The following SMC5 variants were observed in gnomAD, a reference collection of about 807,000 sequenced individuals.
SMC5 encodes the protein structural maintenance of chromosomes 5, also known as structural maintenance of chromosomes protein 5.
In SMC5, 88 loss-of-function variants were observed where a neutral mutation model predicts 148.3. The observed-to-expected ratio is 0.59, with a 90% CI of 0.50 to 0.71. SMC5 has a LOEUF of 0.71. SMC5 is among the 30% of genes least tolerant of loss of function. The pLI, the probability that SMC5 is intolerant of heterozygous loss-of-function variation, is 0.00. For missense variants in SMC5, 1,142 were observed against 1,298.9 expected (o/e 0.88, Z 1.86); for synonymous variants, 421 against 432.8 (o/e 0.97, Z 0.34).
intron 17 of SMC5, among the ~76,000 whole-genome samples, chr9:70,340,692 T>G (rs2036497918): frequency 6.6e-6 from 1 of 152,098 alleles, no homozygotes; most frequent in Admixed American, 6.5e-5. Context: ...TGATTCTTAT[T>G]TTAATGAACT....
At chr9:70,334,131 T>G (rs1178532796) in intron 17 of SMC5, among the ~76,000 whole-genome samples, 4 of 147,742 alleles carry the variant, frequency 2.7e-5, no homozygotes, top group African/African-American at 9.8e-5. Context: ...TTGTTGTTGT[T>G]TTTTTTTTTT....
At chr9:70,284,932 A>T (rs1157226007) in intron 7 of SMC5, among the ~76,000 whole-genome samples, 1 of 151,942 alleles carries the variant, frequency 6.6e-6, no homozygotes, top group Admixed American at 6.6e-5. Flanking sequence ...AGTGTTATGG[A>T]CAGGGCATAG....
intron 3 of SMC5, among the ~76,000 whole-genome samples, chr9:70,275,450 C>T (rs2034563896): frequency 6.6e-6 from 1 of 152,160 alleles, no homozygotes; most frequent in Admixed American, 6.5e-5. Flanking sequence ...ATCCTCCCAC[C>T]TTTGCCTTCC....
Position 70,353,916 on chromosome 9 carries a change from AGTTT to A in SMC5, c.*1590_*1593del, listed in dbSNP as rs1214833436. 6.6e-6 allele frequency: 1 copy of A among 152,202 alleles called. No individual in the cohort carries two copies. Among genetic ancestry groups the A allele is most frequent in the African/African-American group, 2.4e-5 (1 of 41,430 alleles). 9.4% of individuals were successfully genotyped at this position (152,202 alleles called of 1,614,324 possible). On this transcript the variant is annotated 3_prime_UTR_variant, in exon 25 of 25. Transcript: ENST00000361138. ...ATCTTTACTAAAATGTGCTTGGTGTAGTTTGTTTATTGTCTAAATTAGTACCAGT... is the reference window on the plus strand; with the variant it reads ...ATCTTTACTAAAATGTGCTTGGTGTAGTTTATTGTCTAAATTAGTACCAGT...
chr9:70,308,467 G>T (rs545734563), intron 11 of SMC5, among the ~76,000 whole-genome samples: 1 of 151,538 alleles, frequency 6.6e-6, no homozygotes, highest in Admixed American at 6.6e-5. Context: ...GTGGCAGGGC[G>T]CCTGTAGTCC....
chr9:70,267,874 A>T (rs369163799), intron 2 of SMC5, 49 bp from the exon 3 acceptor site: 1 of 1,484,624 alleles, frequency 6.7e-7, no homozygotes, highest in African/African-American at 1.4e-5. Context: ...TCTGATTGTT[A>T]ACCTGGGAAT....
intron 3 of SMC5, 142 bp from the exon 4 acceptor site, chr9:70,277,168 A>G: frequency 1.7e-6 from 1 of 601,002 alleles, no homozygotes; most frequent in Non-Finnish European, 2.5e-6. Flanking sequence ...TTCCTTCTTG[A>G]GGGGCCAAAA....
chr9:70,327,267 A>T (rs2036104900), intron 17 of SMC5, among the ~76,000 whole-genome samples: 1 of 152,238 alleles, frequency 6.6e-6, no homozygotes, highest in South Asian at 2.1e-4. Flanking sequence ...CAAAGAAATT[A>T]TCAGAGATGA....
In SMC5 at chr9:70,264,332, G is replaced by A; in HGVS notation, c.214G>A (p.Gly72Arg). Residue 72 changes from glycine (G) to arginine (R), a missense_variant, in exon 2 of 25, where the codon GGA (glycine) becomes AGA (arginine). Coordinates refer to ENST00000361138, the MANE Select transcript of SMC5 (RefSeq NM_015110.4). Reference protein sequence around the residue: ...LTYDICEVSPGPHLNMIVGAN... With the variant: ...LTYDICEVSPRPHLNMIVGAN... ...ATATGATATTTGTGAAGTATCTCCT[G>A]GACCCCACTTGAATATGATCGTTGG... 6.2e-7 allele frequency: 1 copy of A among 1,613,862 alleles called. No individual in the cohort carries two copies. Among genetic ancestry groups the A allele is most frequent in the Non-Finnish European group, 8.5e-7 (1 of 1,179,850 alleles).
intron 10 of SMC5, among the ~76,000 whole-genome samples, chr9:70,304,954 G>C (rs1193335839): frequency 6.6e-6 from 1 of 152,138 alleles, no homozygotes; most frequent in East Asian, 1.9e-4. Context: ...ATCTAAGACT[G>C]TTTGAAATAT....
At chr9:70,290,701 A>G (rs2035033462) in intron 8 of SMC5, among the ~76,000 whole-genome samples, 1 of 152,170 alleles carries the variant, frequency 6.6e-6, no homozygotes, top group African/African-American at 2.4e-5. Flanking sequence ...TTCATTGAAC[A>G]TATTTAAAAT....
At chr9:70,297,903 A>C (rs942505925) in intron 8 of SMC5, 63 bp from the exon 9 acceptor site, 3 of 1,532,488 alleles carry the variant, frequency 2.0e-6, no homozygotes, top group Non-Finnish European at 2.6e-6. Context: ...CTATATTACT[A>C]CAGAAGTCTT....
intron 17 of SMC5, among the ~76,000 whole-genome samples, chr9:70,337,703 G>T (rs1327162764): frequency 6.6e-6 from 1 of 151,918 alleles, no homozygotes; most frequent in East Asian, 1.9e-4. Flanking sequence ...TGATCCACCC[G>T]CCTCGGCCTC....
intron 11 of SMC5, among the ~76,000 whole-genome samples, chr9:70,309,206 TAAAG>T (rs2035589662): frequency 6.6e-6 from 1 of 151,786 alleles, no homozygotes; most frequent in African/African-American, 2.4e-5. Context: ...GGCAGTTTCT[TAAAG>T]AAGACAACAA....
chr9:70,343,177 G>T (rs2036569860), intron 17 of SMC5, among the ~76,000 whole-genome samples: 1 of 150,164 alleles, frequency 6.7e-6, no homozygotes, highest in Non-Finnish European at 1.5e-5. Flanking sequence ...GCTAAATGAG[G>T]ATAATATTAC....
chr9:70,315,633 A>G (rs1325024396), intron 13 of SMC5, 55 bp downstream of exon 13: 5 of 1,401,668 alleles, frequency 3.6e-6, no homozygotes, highest in Non-Finnish European at 4.7e-6. Context: ...TAGTTTTGTT[A>G]AAACTTCTTA....
chr9:70,344,916 C>G (rs774588058), intron 18 of SMC5, among the ~76,000 whole-genome samples: 1 of 151,884 alleles, frequency 6.6e-6, no homozygotes, highest in Non-Finnish European at 1.5e-5. Flanking sequence ...CAAATGTTAT[C>G]TATTTCAGTA....
At chr9:70,350,522 A>T (rs1536957) in intron 24 of SMC5, 51 bp downstream of exon 24, 1 of 1,255,238 alleles carries the variant, frequency 8.0e-7, no homozygotes, top group Non-Finnish European at 1.1e-6. Context: ...ATCTCCTGTG[A>T]CATAATCATA....
chr9:70,343,689 A>T (rs2036583424), intron 17 of SMC5, among the ~76,000 whole-genome samples: 1 of 152,004 alleles, frequency 6.6e-6, no homozygotes, highest in Non-Finnish European at 1.5e-5. Context: ...GGTGGTACAC[A>T]TCTGTAATCT....
Sources: gnomAD v4.1 joint callset for allele counts (sites outside exome capture counted in the v4.1 genomes callset) on GRCh38, gnomAD v4.1.1 for gene constraint, MANE v1.5 for transcripts, NCBI Gene and HGNC (gene_info 2026-07-23, HGNC 2026-07-21) for gene names.